The following RYR2 variants were observed in gnomAD, a reference collection of about 807,000 sequenced individuals.
RYR2 encodes the protein cardiac muscle ryanodine receptor-calcium release channel.
RYR2 carries 227 observed loss-of-function variants against 601.1 expected under a neutral mutation model. That is an observed-to-expected ratio of 0.38 (90% CI 0.34 to 0.42). The LOEUF (loss-of-function observed/expected upper bound fraction) is 0.42. Among genes scored for constraint, RYR2 ranks in the 10% least tolerant of loss-of-function variants. The pLI is 1.00. For synonymous variants in RYR2, 2,223 were observed against 2,175.1 expected, an observed-to-expected ratio of 1.02 and a Z score of -0.61; for missense variants, 4,646 against 6,156.5, an observed-to-expected ratio of 0.75 and a Z score of 8.21.
At chr1:237,369,633 C>T (rs758105189) in intron 6 of RYR2, 25 bp downstream of exon 6, 1 of 1,545,330 alleles carries the variant, frequency 6.5e-7, no homozygotes, top group Middle Eastern at 1.7e-4. Flanking sequence ...GATTTCATCT[C>T]CCTGTGGTCA....
intron 17 of RYR2, among the ~76,000 whole-genome samples, chr1:237,486,133 T>A (rs563464435): frequency 6.6e-6 from 1 of 152,314 alleles, no homozygotes; most frequent in East Asian, 1.9e-4. Context: ...AGCTTGAATA[T>A]ATGGATGCAC....
intron 24 of RYR2, among the ~76,000 whole-genome samples, chr1:237,526,037 G>A (rs185190842): frequency 6.6e-6 from 1 of 152,108 alleles, no homozygotes; most frequent in East Asian, 1.9e-4. Context: ...TAGGTATCCA[G>A]TTGTGGGATT....
At chr1:237,170,737 C>T (rs1299841220) in intron 1 of RYR2, among the ~76,000 whole-genome samples, 2 of 152,140 alleles carry the variant, frequency 1.3e-5, no homozygotes, top group African/African-American at 2.4e-5. Context: ...GACCTATACT[C>T]AGCTATTGTG....
chr1:237,686,624 G>A (rs1418001548), intron 62 of RYR2, among the ~76,000 whole-genome samples: 1 of 152,088 alleles, frequency 6.6e-6, no homozygotes, highest in Non-Finnish European at 1.5e-5. Context: ...TGAAAAGAAA[G>A]GACAAACAGC....
chr1:237,310,577 G>A lies in RYR2; in HGVS notation c.169-20301G>A, dbSNP rs562816589. 6.6e-4 allele frequency among the ~76,000 whole-genome samples: 100 copies of A among 152,060 alleles called. No homozygotes were observed. The Middle Eastern group carries it at 0.01, about 16-fold the overall frequency. The stretch of plus-strand genomic sequence containing the variant: ...CCATACCCTACCTCTTTCCCCTCCA[G>A]CCCACTTTACCCCTTTAAATATTGA... On this transcript the variant is annotated intron_variant, in intron 2 of 104. Coordinates refer to ENST00000366574, the MANE Select transcript of RYR2 (RefSeq NM_001035.3).
rs1419719746 is a variant in RYR2, at chr1:237,660,877, T to C, written c.8366T>C (p.Ile2789Thr). The C allele has an allele frequency of 1.6e-5, 25 of 1,542,196 alleles. No homozygotes were observed. The highest frequency in any genetic ancestry group is 2.0e-5 in the Non-Finnish European group (23 of 1,141,424). The change falls in exon 56 of 105, where the codon ATT becomes ACT. Residue 2789 changes from isoleucine to threonine, a missense_variant. Transcript: ENST00000366574. ...LKTMLAWGWR[I>T]ERTREGDSMA... The stretch of plus-strand genomic sequence containing the variant: ...ACTATGCTGGCTTGGGGCTGGAGAA[T>C]TGAAAGAACTCGGGAGGGAGACAGC...
rs374155447 is a variant in RYR2, at chr1:237,770,901, C to T, written c.11557+14C>T. On this transcript the variant is annotated intron_variant, in intron 85 of 104. Transcript: ENST00000366574. ...GACACAACTCAGGTTTGTGAGTCCC[C>T]GGAACTTCTGATGATACTAAGGCAT... 1.2e-4 allele frequency: 178 copies of T among 1,507,248 alleles called. No individual in the cohort carries two copies. The African/African-American group carries it at 1.7e-3, about 14-fold the overall frequency. The allele number at this position is 1,507,248 out of a possible 1,614,324, so 93.4% of individuals were successfully genotyped here.
chr1:237,056,076 CTGCACCTGTGAGGACTGGAGCAT>C (rs1399129935), intron 1 of RYR2, among the ~76,000 whole-genome samples: 1 of 149,570 alleles, frequency 6.7e-6, no homozygotes, highest in Non-Finnish European at 1.5e-5. Flanking sequence ...GACTGGAGCA[CTGCACCTGTGAGGACTGGAGCAT>C]TGCATCTGTG....
intron 92 of RYR2, among the ~76,000 whole-genome samples, chr1:237,789,055 T>A (rs983171031): frequency 6.6e-6 from 1 of 151,586 alleles, no homozygotes. Context: ...TGCATAATTT[T>A]TATAAATTTT....
chr1:237,622,634 T>G (rs996935817), intron 38 of RYR2, among the ~76,000 whole-genome samples: 1 of 152,062 alleles, frequency 6.6e-6, no homozygotes, highest in Admixed American at 6.6e-5. Flanking sequence ...TTCAGAAAAA[T>G]TCCACAAAGT....
chr1:237,624,650 GTTGTTATGTCAGTAATCCAAATCT>G (rs1383651842), intron 39 of RYR2, among the ~76,000 whole-genome samples: 1 of 152,154 alleles, frequency 6.6e-6, no homozygotes, highest in Non-Finnish European at 1.5e-5. Context: ...CCTACATTAA[GTTGTTATGTCAGTAATCCAAATCT>G]GTTAAGGGAA....
intron 3 of RYR2, among the ~76,000 whole-genome samples, chr1:237,344,019 C>G (rs1451082508): frequency 6.6e-6 from 1 of 151,934 alleles, no homozygotes; most frequent in Non-Finnish European, 1.5e-5. Flanking sequence ...GATGGGGTTT[C>G]TCCATGTTGG....
At chr1:237,530,373 T>G in intron 24 of RYR2, 54 bp from the exon 25 acceptor site, 2 of 1,364,758 alleles carry the variant, frequency 1.5e-6, no homozygotes, top group Non-Finnish European at 2.1e-6. Context: ...TGTCTTGGGT[T>G]ATTCTGGACA....
chr1:237,193,032 C>A (rs1680146039), intron 1 of RYR2, among the ~76,000 whole-genome samples: 2 of 151,952 alleles, frequency 1.3e-5, no homozygotes, highest in African/African-American at 4.8e-5. Flanking sequence ...TAAAAAATAT[C>A]TTGAATGCGG....
intron 100 of RYR2, among the ~76,000 whole-genome samples, chr1:237,811,072 A>G (rs935637935): frequency 6.6e-6 from 1 of 152,086 alleles, no homozygotes; most frequent in Non-Finnish European, 1.5e-5. Flanking sequence ...TATTGATACT[A>G]TTTCTTTTTA....
intron 1 of RYR2, among the ~76,000 whole-genome samples, chr1:237,227,553 G>A (rs1022582222): frequency 6.6e-6 from 1 of 152,150 alleles, no homozygotes; most frequent in African/African-American, 2.4e-5. Flanking sequence ...TCTTGGCCAG[G>A]GCTAGTGTCT....
intron 69 of RYR2, 63 bp downstream of exon 69, chr1:237,709,161 T>A: frequency 7.1e-7 from 1 of 1,411,546 alleles, no homozygotes; most frequent in Non-Finnish European, 9.6e-7. Context: ...GGCTCACATG[T>A]CCTTGTTCAA....
rs77040197 is a variant in RYR2, at chr1:237,419,573, A to G, written c.848+2450A>G. On this transcript the variant is annotated intron_variant, in intron 11 of 104. Transcript: ENST00000366574. ...GGAAAGGGAATGCTACTTGCTTCTC[A>G]TAGTCCAGATGTCACTGAGGGGAAT... 8.0e-3 allele frequency among the ~76,000 whole-genome samples: 1,223 copies of G among 152,302 alleles called. 16 individuals carry two copies. Among genetic ancestry groups the G allele is most frequent in the Non-Finnish European group, 0.015 (995 of 68,016 alleles).
chr1:237,074,636 G>A (rs1018908813), intron 1 of RYR2, among the ~76,000 whole-genome samples: 9 of 152,178 alleles, frequency 5.9e-5, no homozygotes, highest in Non-Finnish European at 1.2e-4. Flanking sequence ...CAGTCACCAC[G>A]GGTAGAATGT....
Sources: gnomAD v4.1 joint callset for allele counts (sites outside exome capture counted in the v4.1 genomes callset) on GRCh38, gnomAD v4.1.1 for gene constraint, MANE v1.5 for transcripts, NCBI Gene and HGNC (gene_info 2026-07-23, HGNC 2026-07-21) for gene names.